Variants in SEMA3A observed in about 807,000 individuals in gnomAD.
SEMA3A encodes semaphorin-3A.
A neutral mutation model predicts 97.9 loss-of-function variants in SEMA3A; 29 were observed. The observed-to-expected ratio is 0.30, with a 90% confidence interval of 0.22 to 0.40. SEMA3A has a LOEUF of 0.40. Ranked by LOEUF, SEMA3A falls within the 10% of genes least tolerant of loss-of-function variation. The pLI, the probability that SEMA3A is intolerant of heterozygous loss-of-function variation, is 1.00. For missense variants in SEMA3A, 763 were observed against 951.3 expected (o/e 0.80, Z 2.60); for synonymous variants, 321 against 323.7 (o/e 0.99, Z 0.09).
At chr7:84,161,304 C>T (rs1000957618) in intron 1 of SEMA3A, among the ~76,000 whole-genome samples, 4 of 151,648 alleles carry the variant, frequency 2.6e-5, no homozygotes, top group African/African-American at 9.7e-5. Context: ...GTGGAGGTTG[C>T]AGTTAGCCAG....
At chr7:84,184,723 T>G (rs1292191377) in intron 1 of SEMA3A, among the ~76,000 whole-genome samples, 1 of 152,088 alleles carries the variant, frequency 6.6e-6, no homozygotes. Flanking sequence ...TAACTTTCAC[T>G]CTGGAGCTTG....
chr7:84,002,705 G>C (rs6977169), intron 11 of SEMA3A, among the ~76,000 whole-genome samples: 2 of 151,850 alleles, frequency 1.3e-5, no homozygotes, highest in Non-Finnish European at 2.9e-5. Context: ...TATTACTGTG[G>C]TTTTTCAAAA....
chr7:84,022,262 A>C (rs2116442865), intron 6 of SEMA3A, among the ~76,000 whole-genome samples: 1 of 152,266 alleles, frequency 6.6e-6, no homozygotes, highest in East Asian at 1.9e-4. Context: ...AGATTGACCT[A>C]CTTTATTAAT....
At chr7:84,243,745 A>C (rs553839999) in intron 3 of SEMA3A, among the ~76,000 whole-genome samples, 1 of 151,860 alleles carries the variant, frequency 6.6e-6, no homozygotes, top group East Asian at 1.9e-4. Flanking sequence ...TAGTGCTATA[A>C]ATTTCCCTCT....
intron 2 of SEMA3A, among the ~76,000 whole-genome samples, chr7:84,346,207 C>T (rs1458769303): frequency 6.6e-6 from 1 of 152,182 alleles, no homozygotes; most frequent in African/African-American, 2.4e-5. Context: ...AGAGTTAGGG[C>T]CTTGCTCTGG....
chr7:84,254,790 T>A (rs1486898717), intron 3 of SEMA3A, among the ~76,000 whole-genome samples: 1 of 152,166 alleles, frequency 6.6e-6, no homozygotes, highest in East Asian at 1.9e-4. Flanking sequence ...ATACTCTGAC[T>A]TTTATAATCA....
At chr7:84,445,024 ATCT>A (rs1180683360) in intron 1 of SEMA3A, among the ~76,000 whole-genome samples, 2 of 152,130 alleles carry the variant, frequency 1.3e-5, no homozygotes, top group Non-Finnish European at 2.9e-5. Context: ...TAAAACTGAT[ATCT>A]TCTTCTGAGT....
chr7:83,983,158 G>A (rs1284567812), intron 13 of SEMA3A, among the ~76,000 whole-genome samples: 2 of 151,968 alleles, frequency 1.3e-5, no homozygotes, highest in East Asian at 3.9e-4. Flanking sequence ...AATAGATTAA[G>A]TATTGTTAAG....
At chr7:84,161,193 G>A (rs1281212407) in intron 1 of SEMA3A, among the ~76,000 whole-genome samples, 3 of 151,862 alleles carry the variant, frequency 2.0e-5, no homozygotes, top group Non-Finnish European at 4.4e-5. Flanking sequence ...GTGAAACCCT[G>A]TCTCTACTAA....
intron 5 of SEMA3A, among the ~76,000 whole-genome samples, chr7:84,050,590 T>C (rs866126980): frequency 2.6e-5 from 4 of 152,080 alleles, no homozygotes; most frequent in Admixed American, 6.5e-5. Flanking sequence ...TTTGAGTTCA[T>C]TGTAGATTCT....
Position 84,014,329 on chromosome 7 carries a change from G to T in SEMA3A, c.690C>A (p.His230Gln), listed in dbSNP as rs765600054. ...CAGGATTGTCACTCTCTGAGATGAG[G>T]TGGGCACTAATGAACTTTGGATCTG... ...WLNDPKFISAHLISESDNPED... is the reference protein window; with the variant it reads ...WLNDPKFISAQLISESDNPED... The change falls in exon 7 of 17, where the codon CAC (histidine) becomes CAA (glutamine). Residue 230 changes from histidine to glutamine, a missense_variant. By Grantham distance (24) the His-to-Gln change is conservative. Around this residue, in one of 2 missense-constraint regions of SEMA3A, gnomAD observed 678 missense variants for 881.3 expected, o/e 0.77. Coordinates refer to ENST00000265362, the MANE Select transcript of SEMA3A (RefSeq NM_006080.3). 3 of 1,610,832 alleles carry T rather than the reference G, an allele frequency of 1.9e-6. No homozygotes were observed. Among genetic ancestry groups the T allele is most frequent in the African/African-American group, 2.7e-5 (2 of 74,744 alleles).
At chr7:84,129,990 A>G (rs1413818362) in intron 2 of SEMA3A, among the ~76,000 whole-genome samples, 1 of 152,082 alleles carries the variant, frequency 6.6e-6, no homozygotes, top group Non-Finnish European at 1.5e-5. Flanking sequence ...CAGTGGATTC[A>G]TCCCCCCAAC....
chr7:84,088,534 G>C (rs1183064096), intron 4 of SEMA3A, among the ~76,000 whole-genome samples: 3 of 151,964 alleles, frequency 2.0e-5, no homozygotes, highest in African/African-American at 7.2e-5. Context: ...TTAAGGGGAA[G>C]ATTCCTGTCT....
chr7:84,355,381 T>C (rs1802532950), intron 2 of SEMA3A, among the ~76,000 whole-genome samples: 1 of 151,892 alleles, frequency 6.6e-6, no homozygotes, highest in African/African-American at 2.4e-5. Context: ...ATCTATTACA[T>C]ATTATACACC....
chr7:84,359,273 G>T (rs1233651765), intron 2 of SEMA3A, among the ~76,000 whole-genome samples: 4 of 151,944 alleles, frequency 2.6e-5, no homozygotes, highest in South Asian at 2.1e-4. Context: ...TTGGCTGTGG[G>T]TTTGTCATAA....
At chr7:84,269,377 A>C (rs1040785810) in intron 3 of SEMA3A, among the ~76,000 whole-genome samples, 1 of 152,130 alleles carries the variant, frequency 6.6e-6, no homozygotes, top group Non-Finnish European at 1.5e-5. Flanking sequence ...AATCTTTATG[A>C]ACCCTGACAA....
chr7:84,264,389 T>C (rs894377727), intron 3 of SEMA3A, among the ~76,000 whole-genome samples: 1 of 152,222 alleles, frequency 6.6e-6, no homozygotes, highest in African/African-American at 2.4e-5. Flanking sequence ...TATTTATGCA[T>C]TGGGCTTCTG....
chr7:84,437,880 G>T (rs1351996689), intron 1 of SEMA3A, among the ~76,000 whole-genome samples: 4 of 151,748 alleles, frequency 2.6e-5, no homozygotes, highest in Non-Finnish European at 4.4e-5. Context: ...CAGTTTTATT[G>T]TTTCCTCAAG....
At chr7:84,056,919 G>A (rs952064181) in intron 5 of SEMA3A, among the ~76,000 whole-genome samples, 3 of 152,092 alleles carry the variant, frequency 2.0e-5, no homozygotes, top group South Asian at 4.1e-4. Flanking sequence ...CACAAGCACC[G>A]AAAATAATAG....
Sources: gnomAD v4.1 joint callset for allele counts (sites outside exome capture counted in the v4.1 genomes callset) on GRCh38, gnomAD v4.1.1 for gene constraint, gnomAD v4.1.1 regional missense constraint, MANE v1.5 for transcripts, NCBI Gene and HGNC (gene_info 2026-07-23, HGNC 2026-07-21) for gene names.